EPHA3: variants seen among roughly 807,000 people sequenced by gnomAD.
EPHA3 encodes the protein ephrin type-A receptor 3.
In EPHA3, 42 loss-of-function variants were observed where a neutral mutation model predicts 107.1. That is an observed-to-expected ratio of 0.39 (90% CI 0.31 to 0.51). EPHA3 has a LOEUF of 0.51. EPHA3 is among the 20% of genes least tolerant of loss of function. The pLI is 0.78. For missense variants in EPHA3, 1,183 were observed against 1,211.2 expected (o/e 0.98, Z 0.35); for synonymous variants, 461 against 424.8 (o/e 1.09, Z -1.05).
At chr3:89,410,665 G>C (rs1223275050) in intron 9 of EPHA3, among the ~76,000 whole-genome samples, 1 of 151,918 alleles carries the variant, frequency 6.6e-6, no homozygotes, top group Non-Finnish European at 1.5e-5. Context: ...GATCTGATAT[G>C]AGTTTTCATC....
chr3:89,398,181 T>C (rs1437358024), intron 6 of EPHA3, among the ~76,000 whole-genome samples: 1 of 152,202 alleles, frequency 6.6e-6, no homozygotes, highest in Non-Finnish European at 1.5e-5. Flanking sequence ...TTCTGTACTA[T>C]TCAATCTCGT....
At chr3:89,298,684 T>A (rs1706417776) in intron 3 of EPHA3, among the ~76,000 whole-genome samples, 3 of 152,154 alleles carry the variant, frequency 2.0e-5, no homozygotes, top group Non-Finnish European at 4.4e-5. Context: ...TTTTTAAAAA[T>A]TATACATTGG....
intron 9 of EPHA3, 143 bp downstream of exon 9, chr3:89,408,274 GA>G (rs1709091080): frequency 1.4e-6 from 1 of 724,092 alleles, no homozygotes; most frequent in Non-Finnish European, 2.3e-6. Flanking sequence ...ATTTATTTTA[GA>G]AAAAGAGGGA....
chr3:89,168,709 A>G (rs1705136074), intron 2 of EPHA3, among the ~76,000 whole-genome samples: 1 of 152,090 alleles, frequency 6.6e-6, no homozygotes, highest in African/African-American at 2.4e-5. Context: ...TATGATAATT[A>G]GTAATTTTTT....
intron 3 of EPHA3, among the ~76,000 whole-genome samples, chr3:89,339,213 A>C (rs948441069): frequency 1.3e-5 from 2 of 152,034 alleles, no homozygotes; most frequent in African/African-American, 4.8e-5. Context: ...TCTACTAAAA[A>C]TACAAAAATT....
At chr3:89,167,676 A>G (rs1371490820) in intron 2 of EPHA3, among the ~76,000 whole-genome samples, 1 of 152,158 alleles carries the variant, frequency 6.6e-6, no homozygotes, top group African/African-American at 2.4e-5. Flanking sequence ...GCAGAATTTC[A>G]AGGGTTCCTT....
rs1479060172 is a variant in EPHA3, at chr3:89,379,620, A to G, written c.1307-16217A>G. Among the ~76,000 whole-genome samples the G allele has an allele frequency of 2.7e-5, 4 of 147,574 alleles. No individual in the cohort carries two copies. In the South Asian group the frequency reaches 8.3e-4, roughly 31 times the overall value. On this transcript the variant is annotated intron_variant, in intron 5 of 16. Coordinates refer to ENST00000336596, the MANE Select transcript of EPHA3 (RefSeq NM_005233.6). ...ATTTTTAGGTGATTGCTTCTAAGTT[A>G]GAAAACAAAGACTGTGCTCTTTAAG...
chr3:89,215,599 T>C (rs1001920691), intron 3 of EPHA3, among the ~76,000 whole-genome samples: 1 of 151,876 alleles, frequency 6.6e-6, no homozygotes, highest in Non-Finnish European at 1.5e-5. Context: ...CAAATTCATA[T>C]CTAAGCATTT....
intron 3 of EPHA3, among the ~76,000 whole-genome samples, chr3:89,280,029 G>T (rs1705902824): frequency 7.2e-6 from 1 of 138,448 alleles, no homozygotes; most frequent in African/African-American, 2.7e-5. Flanking sequence ...GTGCACCTGT[G>T]TGTGTGTGTG....
rs143308129 is a variant in EPHA3 at position 89,179,952 on chromosome 3, T to A, written c.154-29908T>A. Among the ~76,000 whole-genome samples the A allele has an allele frequency of 2.6e-4, 40 of 151,914 alleles. No individual in the cohort carries two copies. The East Asian group carries it at 7.6e-3, about 29-fold the overall frequency. On this transcript the variant is annotated intron_variant, in intron 2 of 16. Coordinates refer to ENST00000336596, the MANE Select transcript of EPHA3 (RefSeq NM_005233.6). ...TTTTTTTTTTTCAATACCCTGAGAC[T>A]TAGAGGCTAAGTAATTTAAATGTTT... is the stretch of plus-strand genomic sequence containing the variant.
chr3:89,287,233 C>T (rs1033679219), intron 3 of EPHA3, among the ~76,000 whole-genome samples: 8 of 152,198 alleles, frequency 5.3e-5, no homozygotes, highest in African/African-American at 1.9e-4. Context: ...CAGAACAACC[C>T]TGATTGGTTA....
chr3:89,377,838 T>G (rs1245646282), intron 5 of EPHA3, among the ~76,000 whole-genome samples: 1 of 152,080 alleles, frequency 6.6e-6, no homozygotes, highest in Non-Finnish European at 1.5e-5. Flanking sequence ...CATACAGATC[T>G]TTTTTTCAAC....
intron 12 of EPHA3, among the ~76,000 whole-genome samples, chr3:89,429,692 T>TATA (rs1709526101): frequency 3.5e-5 from 5 of 144,898 alleles, no homozygotes; most frequent in Non-Finnish European, 7.6e-5. Context: ...TACGTTTATC[T>TATA]ATCATCTATC....
chr3:89,157,773 A>G (rs1704839225), intron 2 of EPHA3, among the ~76,000 whole-genome samples: 1 of 152,010 alleles, frequency 6.6e-6, no homozygotes, highest in African/African-American at 2.4e-5. Flanking sequence ...TAAGTAAAAG[A>G]GAACAAATCA....
chr3:89,167,179 A>G (rs1484324266), intron 2 of EPHA3, among the ~76,000 whole-genome samples: 1 of 152,194 alleles, frequency 6.6e-6, no homozygotes, highest in Non-Finnish European at 1.5e-5. Context: ...TAATGTTTTG[A>G]AGCATATATA....
rs545796540 is a variant in EPHA3, at chr3:89,277,275, C to T, written c.815-63641C>T. Among the ~76,000 whole-genome samples, 12 of 152,046 alleles carry T rather than the reference C, an allele frequency of 7.9e-5. 1 individual carries two copies. In the East Asian group the frequency reaches 1.5e-3, roughly 20 times the overall value. The stretch of plus-strand genomic sequence containing the variant: ...TGAATTTTAAAGTGGGAGAAATATA[C>T]GTTTAAAGAAGTAATGATACCTAAA... On this transcript the variant is annotated intron_variant, in intron 3 of 16. Transcript: ENST00000336596.
intron 3 of EPHA3, among the ~76,000 whole-genome samples, chr3:89,315,280 T>G (rs1178245993): frequency 6.6e-6 from 1 of 151,840 alleles, no homozygotes; most frequent in Non-Finnish European, 1.5e-5. Flanking sequence ...TAATATCTTA[T>G]AATGACAGTG....
In EPHA3 at chr3:89,237,017, G is replaced by A. The variant is rs145454640; in HGVS notation, c.814+26497G>A. On this transcript the variant is annotated intron_variant, in intron 3 of 16. Transcript: ENST00000336596. ...GAATCAATGAATCAATGCATGGATC[G>A]AATGGATAAATGAATGCATGGATTG... is the stretch of plus-strand genomic sequence containing the variant. 6.2e-3 allele frequency among the ~76,000 whole-genome samples: 944 copies of A among 152,226 alleles called. 10 individuals are homozygous for A. The highest frequency in any genetic ancestry group is 0.02 in the Middle Eastern group (6 of 294).
chr3:89,146,854 T>C (rs943887263), intron 2 of EPHA3, among the ~76,000 whole-genome samples: 1 of 151,962 alleles, frequency 6.6e-6, no homozygotes, highest in Admixed American at 6.6e-5. Flanking sequence ...TTCTGTTTTA[T>C]GCATATGGCT....
Sources: gnomAD v4.1 joint callset for allele counts (sites outside exome capture counted in the v4.1 genomes callset) on GRCh38, gnomAD v4.1.1 for gene constraint, MANE v1.5 for transcripts, NCBI Gene and HGNC (gene_info 2026-07-23, HGNC 2026-07-21) for gene names.